The following USP48 variants were observed in gnomAD, a reference collection of about 807,000 sequenced individuals.
USP48 encodes ubiquitin carboxyl-terminal hydrolase 48.
USP48 carries 43 observed loss-of-function variants against 150.7 expected under a neutral mutation model. The ratio of observed to expected loss-of-function variants is 0.29; its 90% confidence interval spans 0.22 to 0.37. USP48 has a LOEUF of 0.37. USP48 is among the 10% of genes least tolerant of loss of function. The pLI is 1.00. For synonymous variants in USP48, 396 were observed against 425.9 expected (o/e 0.93, Z 0.86); for missense variants, 813 against 1,249.6 (o/e 0.65, Z 5.27).
At chr1:21,714,621 A>C (rs899110055) in intron 15 of USP48, among the ~76,000 whole-genome samples, 1 of 152,196 alleles carries the variant, frequency 6.6e-6, no homozygotes, top group Non-Finnish European at 1.5e-5. Flanking sequence ...TGAGAAACAG[A>C]CACCTGCTTG....
At chr1:21,718,702 T>C (rs1457786756) in intron 14 of USP48, among the ~76,000 whole-genome samples, 1 of 151,820 alleles carries the variant, frequency 6.6e-6, no homozygotes, top group Non-Finnish European at 1.5e-5. Context: ...GGATTACAGG[T>C]GCATGCCACC....
At chr1:21,697,910 CAAAA>C (rs2097641894) in intron 22 of USP48, among the ~76,000 whole-genome samples, 1 of 151,972 alleles carries the variant, frequency 6.6e-6, no homozygotes, top group Non-Finnish European at 1.5e-5. Context: ...ACTTAACTGA[CAAAA>C]AAACCCAGCC....
At chr1:21,743,193 A>G (rs1043352472) in intron 8 of USP48, among the ~76,000 whole-genome samples, 2 of 152,098 alleles carry the variant, frequency 1.3e-5, no homozygotes, top group Admixed American at 6.6e-5. Context: ...GGGGAAGAGA[A>G]AAGGAAAGGA....
intron 9 of USP48, among the ~76,000 whole-genome samples, chr1:21,733,838 C>G (rs1022384139): frequency 1.3e-5 from 2 of 151,540 alleles, no homozygotes; most frequent in Non-Finnish European, 2.9e-5. Context: ...GTAGCCCAGG[C>G]TGGAGTGCAG....
At chr1:21,707,319 T>G (rs1467233102) in intron 15 of USP48, among the ~76,000 whole-genome samples, 1 of 152,224 alleles carries the variant, frequency 6.6e-6, no homozygotes, top group Admixed American at 6.5e-5. Context: ...TGACTAATCT[T>G]GAAATCACAC....
intron 9 of USP48, 32 bp from the exon 10 acceptor site, chr1:21,729,864 T>C: frequency 6.2e-7 from 1 of 1,613,674 alleles, no homozygotes; most frequent in Non-Finnish European, 8.5e-7. Flanking sequence ...GTACCTTAAC[T>C]TAAGTGCCTA....
intron 2 of USP48, chr1:21,757,047 C>T (rs2097838092): frequency 4.2e-6 from 4 of 949,584 alleles, no homozygotes; most frequent in Non-Finnish European, 5.0e-6. Context: ...TTCTAAACTG[C>T]CAGCATTCAG....
At chr1:21,724,856 C>T (rs192450862) in intron 11 of USP48, 6 of 152,186 alleles carry the variant, frequency 3.9e-5, no homozygotes, top group African/African-American at 1.4e-4. Flanking sequence ...AAAGGAAGTC[C>T]CTAGAATTCC....
intron 8 of USP48, among the ~76,000 whole-genome samples, chr1:21,739,594 T>C (rs929356960): frequency 2.8e-4 from 42 of 151,816 alleles, no homozygotes; most frequent in African/African-American, 8.9e-4. Context: ...ATGTTTGATA[T>C]GTTTACATCA....
rs1318821164 is a variant in USP48, at chr1:21,756,714, C to T, written c.256-12G>A. 6.2e-7 allele frequency: 1 copy of T among 1,612,160 alleles called. No homozygotes were observed. The highest frequency in any genetic ancestry group is 1.7e-5 in the Admixed American group (1 of 59,526). On this transcript the variant is annotated splice_polypyrimidine_tract_variant and intron_variant, in intron 2 of 26. Coordinates refer to ENST00000308271, the MANE Select transcript of USP48 (RefSeq NM_032236.8). ...CCCACAAATGAGTTCTACAAAAATACAAAATTCATAATTATAAAACCCATT... is the reference window on the plus strand; with the variant it reads ...CCCACAAATGAGTTCTACAAAAATATAAAATTCATAATTATAAAACCCATT...
intron 1 of USP48, among the ~76,000 whole-genome samples, chr1:21,780,812 G>A (rs1263212130): frequency 2.1e-5 from 3 of 141,712 alleles, no homozygotes; most frequent in East Asian, 4.1e-4. Context: ...GCGTGATCTC[G>A]GCTCACCGCA....
At position 21,705,879 on chromosome 1, in the gene USP48, G is replaced by C. The variant is rs753294037; in HGVS notation, c.2274-42C>G. The C allele has an allele frequency of 3.5e-6, 5 of 1,442,858 alleles. No individual in the cohort carries two copies. In the South Asian group the frequency reaches 5.2e-5, roughly 15 times the overall value. 89.4% of individuals were successfully genotyped at this position (1,442,858 alleles called of 1,614,324 possible). A position where few individuals can be genotyped will look rare whatever the true frequency, so the allele number is the denominator to read the frequency against. The stretch of plus-strand genomic sequence containing the variant: ...AGGAGGAGAAATATACCTAATTACT[G>C]CATGACGAAAGAGAAGATTTTAAAA... On this transcript the variant is annotated intron_variant, in intron 18 of 26. Transcript: ENST00000308271.
At chr1:21,770,084 A>T (rs1378840632) in intron 1 of USP48, among the ~76,000 whole-genome samples, 1 of 151,522 alleles carries the variant, frequency 6.6e-6, no homozygotes, top group East Asian at 1.9e-4. Flanking sequence ...GCACTTTGGG[A>T]GGCTGAGGTG....
intron 1 of USP48, among the ~76,000 whole-genome samples, chr1:21,769,499 G>A (rs1373048773): frequency 1.3e-5 from 2 of 151,754 alleles, no homozygotes; most frequent in Admixed American, 6.6e-5. Context: ...TGCAACCTCC[G>A]CCTCCTGGGT....
intron 23 of USP48, 135 bp downstream of exon 23, chr1:21,694,931 T>G: frequency 1.0e-6 from 1 of 989,956 alleles, no homozygotes; most frequent in Non-Finnish European, 1.4e-6. Context: ...CAAAAAGATT[T>G]TTGGCTATTT....
rs1323941522 is a variant in USP48, at chr1:21,782,870, T to C, written c.88A>G (p.Thr30Ala). ...GGCTCCAGCCAGATGCGGTAAGCGG[T>C]CTCGATGTGCTCCTGCGACACCTCC... is the stretch of plus-strand genomic sequence containing the variant. Reference protein sequence around the residue: ...PEEVSQEHIETAYRIWLEPCI... With the variant: ...PEEVSQEHIEAAYRIWLEPCI... The change falls in exon 1 of 27, where the codon ACC becomes GCC. Residue 30 changes from threonine (T) to alanine (A), a missense_variant. By Grantham distance (58) the Thr-to-Ala change is moderately conservative. Coordinates refer to ENST00000308271, the MANE Select transcript of USP48 (RefSeq NM_032236.8). 2 of 1,560,606 alleles carry C rather than the reference T, an allele frequency of 1.3e-6. No homozygotes were observed. Among genetic ancestry groups the C allele is most frequent in the African/African-American group, 1.4e-5 (1 of 72,896 alleles).
chr1:21,679,652 T>C (rs1343637990), intron 26 of USP48, among the ~76,000 whole-genome samples: 1 of 152,218 alleles, frequency 6.6e-6, no homozygotes, highest in African/African-American at 2.4e-5. Context: ...GCTTCCTAAG[T>C]GTATCTTCAC....
chr1:21,753,473 T>TGA (rs1557573817), intron 3 of USP48, among the ~76,000 whole-genome samples: 1 of 151,482 alleles, frequency 6.6e-6, no homozygotes, highest in Non-Finnish European at 1.5e-5. Flanking sequence ...GAGCATCTAT[T>TGA]GAGCGCGGGA....
At chr1:21,739,926 T>C (rs1250584330) in intron 8 of USP48, among the ~76,000 whole-genome samples, 1 of 45,008 alleles carries the variant, frequency 2.2e-5, no homozygotes, top group Non-Finnish European at 4.4e-5. Flanking sequence ...TTTGTCTTTT[T>C]TTTGAGATGG....
Sources: allele counts gnomAD v4.1 joint callset (sites outside exome capture counted in the v4.1 genomes callset), GRCh38; gene constraint gnomAD v4.1.1; transcripts MANE v1.5; gene names NCBI Gene and HGNC (gene_info 2026-07-23, HGNC 2026-07-21).